GLT1D1: variants seen among roughly 807,000 people sequenced by gnomAD.
GLT1D1 encodes glycosyltransferase 1 domain-containing protein 1.
In GLT1D1, 21 loss-of-function variants were observed where a neutral mutation model predicts 28.7. The ratio of observed to expected loss-of-function variants is 0.73; its 90% CI spans 0.52 to 1.05. GLT1D1 has a LOEUF of 1.05. Among genes scored for constraint, GLT1D1 ranks in the 50% least tolerant of loss-of-function variants. The pLI is 0.00. For synonymous variants in GLT1D1, 147 were observed against 124.8 expected, an observed-to-expected ratio of 1.18 and a Z score of -1.19; for missense variants, 343 against 330.6, an observed-to-expected ratio of 1.04 and a Z score of -0.29.
At chr12:128,913,411 G>C (rs1871752502) in intron 4 of GLT1D1, among the ~76,000 whole-genome samples, 1 of 152,148 alleles carries the variant, frequency 6.6e-6, no homozygotes, top group Non-Finnish European at 1.5e-5. Context: ...TGTAGAGACA[G>C]GGTTTTACTG....
intron 7 of GLT1D1, among the ~76,000 whole-genome samples, chr12:128,970,507 G>A (rs1016248708): frequency 3.9e-5 from 6 of 152,190 alleles, no homozygotes; most frequent in Non-Finnish European, 8.8e-5. Flanking sequence ...GTCAAAGTCC[G>A]CTTCTATCCA....
At chr12:128,948,425 A>G (rs1165599013) in intron 6 of GLT1D1, among the ~76,000 whole-genome samples, 1 of 152,168 alleles carries the variant, frequency 6.6e-6, no homozygotes, top group African/African-American at 2.4e-5. Flanking sequence ...TCCTCATGCG[A>G]TTAAAGCACC....
chr12:128,906,863 G>A (rs1389941924), intron 4 of GLT1D1: 1 of 700,948 alleles, frequency 1.4e-6, no homozygotes, highest in Non-Finnish European at 2.6e-6. Context: ...ATTTTACTTT[G>A]TGTACATTTA....
chr12:128,978,537 C>T (rs1407394860), intron 7 of GLT1D1, among the ~76,000 whole-genome samples: 1 of 152,166 alleles, frequency 6.6e-6, no homozygotes, highest in East Asian at 1.9e-4. Context: ...TCCTAGTGTT[C>T]TCTTCTTAGA....
intron 1 of GLT1D1, among the ~76,000 whole-genome samples, chr12:128,867,694 A>T (rs1161821114): frequency 1.3e-5 from 2 of 152,216 alleles, no homozygotes; most frequent in Non-Finnish European, 2.9e-5. Flanking sequence ...GAGACTCTCC[A>T]GGGCTGGCGT....
At chr12:128,945,500 C>T (rs2135490245) in intron 5 of GLT1D1, 131 bp downstream of exon 9, 1 of 780,498 alleles carries the variant, frequency 1.3e-6, no homozygotes, top group East Asian at 2.5e-5. Context: ...CATGCATCTT[C>T]CCGGCGAGCC....
intron 4 of GLT1D1, among the ~76,000 whole-genome samples, chr12:128,931,300 C>T (rs1873849701): frequency 6.7e-6 from 1 of 149,094 alleles, no homozygotes; most frequent in African/African-American, 2.5e-5. Flanking sequence ...TGCACCTGGC[C>T]ACTTTTTAAT....
At chr12:128,966,163 G>A (rs1024548260) in intron 7 of GLT1D1, among the ~76,000 whole-genome samples, 1 of 152,242 alleles carries the variant, frequency 6.6e-6, no homozygotes, top group Non-Finnish European at 1.5e-5. Flanking sequence ...ATGAGCGGCT[G>A]GGAGTAGGAG....
chr12:128,962,566 G>T (rs1878073417), intron 7 of GLT1D1, among the ~76,000 whole-genome samples: 1 of 152,196 alleles, frequency 6.6e-6, no homozygotes, highest in Non-Finnish European at 1.5e-5. Context: ...GGGGTGAGGT[G>T]GCCTGGTCAG....
intron 6 of GLT1D1, among the ~76,000 whole-genome samples, chr12:128,956,273 A>G (rs1477832503): frequency 1.3e-5 from 2 of 152,044 alleles, no homozygotes; most frequent in Non-Finnish European, 2.9e-5. Flanking sequence ...GACCTTAAAT[A>G]TGCTCAAAAG....
chr12:128,914,246 G>A (rs748713495), intron 4 of GLT1D1, among the ~76,000 whole-genome samples: 1 of 151,978 alleles, frequency 6.6e-6, no homozygotes, highest in Non-Finnish European at 1.5e-5. Flanking sequence ...GTTGAGAGTG[G>A]GAATTTTACA....
rs139716117 is a variant in GLT1D1 at position 128,893,863 on chromosome 12, G to A, written c.323+5119G>A. On this transcript the variant is annotated intron_variant, in intron 3 of 7. Transcript: ENST00000281703. ...GCCTCCCAAAGTGTTGGGATTACAG[G>A]TGTGAGCCATCACGCCCCACTAATT... Among the ~76,000 whole-genome samples the A allele has an allele frequency of 5.9e-3, 905 of 152,244 alleles. 10 individuals are homozygous for A. Among genetic ancestry groups the A allele is most frequent in the African/African-American group, 0.021 (852 of 41,540 alleles).
intron 1 of GLT1D1, among the ~76,000 whole-genome samples, chr12:128,855,064 G>A (rs1440482777): frequency 6.6e-6 from 1 of 151,944 alleles, no homozygotes; most frequent in Non-Finnish European, 1.5e-5. Context: ...AGGAATGAAG[G>A]AGGTGATTTC....
chr12:128,975,104 C>A (rs891313168), intron 7 of GLT1D1, among the ~76,000 whole-genome samples: 2 of 152,214 alleles, frequency 1.3e-5, no homozygotes, highest in African/African-American at 4.8e-5. Flanking sequence ...TCCTGAGCAC[C>A]CACCATGTCT....
chr12:128,901,602 A>G (rs1250242326), intron 4 of GLT1D1, among the ~76,000 whole-genome samples: 1 of 149,126 alleles, frequency 6.7e-6, no homozygotes, highest in Non-Finnish European at 1.5e-5. Flanking sequence ...ACGCCCTGCT[A>G]ATTTTTGCAT....
At chr12:128,869,890 G>A (rs1389775096) in intron 1 of GLT1D1, among the ~76,000 whole-genome samples, 3 of 151,512 alleles carry the variant, frequency 2.0e-5, no homozygotes, top group African/African-American at 7.3e-5. Context: ...TGCCTGTTAG[G>A]TGATTGAATT....
chr12:128,951,712 C>T (rs909872399), intron 6 of GLT1D1, among the ~76,000 whole-genome samples: 2 of 152,220 alleles, frequency 1.3e-5, no homozygotes, highest in African/African-American at 2.4e-5. Flanking sequence ...AGGCACCGCC[C>T]GTCTCCCTCA....
chr12:128,911,002 T>C (rs987862701), intron 4 of GLT1D1, among the ~76,000 whole-genome samples: 1 of 152,200 alleles, frequency 6.6e-6, no homozygotes, highest in South Asian at 2.1e-4. Context: ...CAATGTCGGC[T>C]CACTGCAACC....
At chr12:128,888,546 G>A in intron 2 of GLT1D1, 93 bp from the exon 3 acceptor site, 4 of 776,548 alleles carry the variant, frequency 5.2e-6, no homozygotes, top group Non-Finnish European at 2.2e-6. Context: ...CGGCGATCTG[G>A]GAACTTCAGT....
Sources: allele counts gnomAD v4.1 joint callset (sites outside exome capture counted in the v4.1 genomes callset), GRCh38; gene constraint gnomAD v4.1.1; transcripts MANE v1.5; gene names NCBI Gene and HGNC (gene_info 2026-07-23, HGNC 2026-07-21).